The following STAU2 variants were observed in gnomAD, a reference collection of about 807,000 sequenced individuals.
The protein encoded by STAU2 is double-stranded RNA-binding protein Staufen homolog 2.
A neutral mutation model predicts 65.9 loss-of-function variants in STAU2; 20 were observed. The ratio of observed to expected loss-of-function variants is 0.30; its 90% CI spans 0.21 to 0.44. The LOEUF is 0.44. STAU2 is among the 20% of genes least tolerant of loss of function. STAU2 has a pLI of 1.00. For missense variants in STAU2, 558 were observed against 683.9 expected, an observed-to-expected ratio of 0.82 and a Z score of 2.05; for synonymous variants, 232 against 233.9, an observed-to-expected ratio of 0.99 and a Z score of 0.07.
rs148080709 is a variant in STAU2, at chr8:73,427,594, G to C, written c.1531-4892C>G. Among the ~76,000 whole-genome samples, 130 of 152,370 alleles carry C rather than the reference G, an allele frequency of 8.5e-4. 3 individuals are homozygous for C. In the East Asian group the frequency reaches 0.021, roughly 25 times the overall value. On this transcript the variant is annotated intron_variant, in intron 13 of 14. Transcript: ENST00000524300. Reference sequence around the variant, plus strand: ...TGACTCTGAGGTCCTTTTAAGTCCTGAAGTGCTAAGGCGGCTATGCTGAGG... The same window carrying C: ...TGACTCTGAGGTCCTTTTAAGTCCTCAAGTGCTAAGGCGGCTATGCTGAGG...
intron 5 of STAU2, 106 bp from the exon 6 acceptor site, chr8:73,673,348 T>C: frequency 9.0e-7 from 1 of 1,105,438 alleles, no homozygotes; most frequent in East Asian, 2.9e-5. Context: ...AAGGTAAGAA[T>C]GGATGGACCA....
intron 12 of STAU2, among the ~76,000 whole-genome samples, chr8:73,568,179 G>A (rs1175169564): frequency 6.6e-6 from 1 of 152,190 alleles, no homozygotes; most frequent in East Asian, 1.9e-4. Context: ...CAAGGAAGGA[G>A]ATTTTTGTCT....
At chr8:73,457,265 T>C (rs1284672693) in intron 13 of STAU2, among the ~76,000 whole-genome samples, 2 of 152,172 alleles carry the variant, frequency 1.3e-5, no homozygotes, top group Non-Finnish European at 2.9e-5. Context: ...CCTTCAGATG[T>C]TACTATCTAC....
intron 4 of STAU2, among the ~76,000 whole-genome samples, chr8:73,699,753 A>C (rs1819948851): frequency 6.6e-6 from 1 of 151,830 alleles, no homozygotes; most frequent in Admixed American, 6.6e-5. Context: ...AAGTGGAACT[A>C]ATACCAATCC....
At chr8:73,530,899 A>G (rs1406880498) in intron 13 of STAU2, among the ~76,000 whole-genome samples, 1 of 152,180 alleles carries the variant, frequency 6.6e-6, no homozygotes, top group African/African-American at 2.4e-5. Context: ...AAGCCAAAAG[A>G]AAACGTGGCT....
rs2129968449 is a variant in STAU2, at chr8:73,625,528, G to C, written c.411-8077C>G. 1.3e-5 allele frequency among the ~76,000 whole-genome samples: 2 copies of C among 152,314 alleles called. 1 individual carries two copies. Among genetic ancestry groups the C allele is most frequent in the Admixed American group, 1.3e-4 (2 of 15,300 alleles). On this transcript the variant is annotated intron_variant, in intron 6 of 14. Coordinates refer to ENST00000524300, the MANE Select transcript of STAU2 (RefSeq NM_001164380.2). ...ACCCATAGAGACAGAAAGTAGATTA[G>C]TGGTTGCCAGGAGCTGGGAGGATGG... is the stretch of plus-strand genomic sequence containing the variant.
At chr8:73,447,975 G>A (rs1235680444) in intron 13 of STAU2, among the ~76,000 whole-genome samples, 1 of 152,112 alleles carries the variant, frequency 6.6e-6, no homozygotes, top group African/African-American at 2.4e-5. Context: ...ATCCATCGAT[G>A]GGATTTTTAG....
intron 3 of STAU2, among the ~76,000 whole-genome samples, chr8:73,716,357 T>C (rs905797673): frequency 1.3e-5 from 2 of 152,350 alleles, no homozygotes; most frequent in South Asian, 4.1e-4. Context: ...CCCAAAGTGC[T>C]GGGATTACAG....
At chr8:73,745,704 T>C (rs1384073811) in intron 1 of STAU2, among the ~76,000 whole-genome samples, 1 of 152,256 alleles carries the variant, frequency 6.6e-6, no homozygotes, top group African/African-American at 2.4e-5. Flanking sequence ...TCTACCCTAA[T>C]TGAATGGTCC....
rs1276770598 is a variant in STAU2 at position 73,449,906 on chromosome 8, G to A, written c.1531-27204C>T. Among the ~76,000 whole-genome samples, 6 of 152,288 alleles carry A rather than the reference G, an allele frequency of 3.9e-5. No individual in the cohort carries two copies. In the East Asian group the frequency reaches 5.8e-4, roughly 15 times the overall value. On this transcript the variant is annotated intron_variant, in intron 13 of 14. Coordinates refer to ENST00000524300, the MANE Select transcript of STAU2 (RefSeq NM_001164380.2). Reference sequence around the variant, plus strand: ...CAGGGTCACTATCTGGACCCAGCCCGTTGGGCACCTTCTGCAGACTCAGAA... The same window carrying A: ...CAGGGTCACTATCTGGACCCAGCCCATTGGGCACCTTCTGCAGACTCAGAA...
chr8:73,714,901 G>A (rs1821135037), intron 3 of STAU2, among the ~76,000 whole-genome samples: 1 of 152,096 alleles, frequency 6.6e-6, no homozygotes, highest in Non-Finnish European at 1.5e-5. Flanking sequence ...GGCCAACATG[G>A]TGAAACCCCG....
intron 6 of STAU2, among the ~76,000 whole-genome samples, chr8:73,635,782 G>A (rs1256583190): frequency 2.0e-5 from 3 of 151,542 alleles, no homozygotes; most frequent in East Asian, 2.0e-4. Flanking sequence ...CCGAGACCGC[G>A]CCACTGCACT....
At chr8:73,483,426 T>C (rs899953305) in intron 13 of STAU2, among the ~76,000 whole-genome samples, 3 of 152,140 alleles carry the variant, frequency 2.0e-5, no homozygotes, top group Non-Finnish European at 2.9e-5. Flanking sequence ...ATCTATGATT[T>C]CAAAGGTGAT....
chr8:73,580,558 T>G (rs890276334), intron 12 of STAU2, among the ~76,000 whole-genome samples: 1 of 152,190 alleles, frequency 6.6e-6, no homozygotes, highest in African/African-American at 2.4e-5. Flanking sequence ...AATTTCAAAC[T>G]TAAGAAACTG....
At chr8:73,727,986 T>C (rs887054037) in intron 3 of STAU2, 7 of 152,244 alleles carry the variant, frequency 4.6e-5, no homozygotes, top group African/African-American at 1.4e-4. Flanking sequence ...GTATTAATGA[T>C]GTGTTTATCT....
At chr8:73,616,111 A>C (rs1220409814) in intron 7 of STAU2, among the ~76,000 whole-genome samples, 2 of 151,936 alleles carry the variant, frequency 1.3e-5, no homozygotes, top group Non-Finnish European at 2.9e-5. Flanking sequence ...AACCCCCAAC[A>C]CCCAGGAATT....
intron 3 of STAU2, among the ~76,000 whole-genome samples, chr8:73,733,100 C>T (rs1351627521): frequency 1.3e-5 from 2 of 151,316 alleles, no homozygotes; most frequent in East Asian, 1.9e-4. Flanking sequence ...GCTACTCCTT[C>T]GACACGGAAA....
intron 13 of STAU2, among the ~76,000 whole-genome samples, chr8:73,460,135 C>G (rs1819275699): frequency 6.6e-6 from 1 of 152,192 alleles, no homozygotes; most frequent in African/African-American, 2.4e-5. Context: ...CTTAAGATTC[C>G]CAGGGTCTTA....
chr8:73,637,006 G>T (rs576446820), intron 6 of STAU2, among the ~76,000 whole-genome samples: 1 of 151,984 alleles, frequency 6.6e-6, no homozygotes, highest in South Asian at 2.1e-4. Context: ...TCTAGAATAT[G>T]ATATTCAAAT....
Sources: gnomAD v4.1 joint callset for allele counts (sites outside exome capture counted in the v4.1 genomes callset) on GRCh38, gnomAD v4.1.1 for gene constraint, MANE v1.5 for transcripts, NCBI Gene and HGNC (gene_info 2026-07-23, HGNC 2026-07-21) for gene names.